ANO10: variants seen among roughly 807,000 people sequenced by gnomAD.
ANO10 encodes the protein anoctamin 10, also known as anoctamin-10.
Under a neutral mutation model 74.7 loss-of-function variants are expected in ANO10, and 77 were observed. That is an observed-to-expected ratio of 1.03 (90% CI 0.86 to 1.25). ANO10 has a LOEUF of 1.25. Among genes scored for constraint, ANO10 ranks in the 50% most tolerant of loss-of-function variants. The probability of loss-of-function intolerance (pLI) is 0.00; values close to 1 mark genes in which losing one functional copy is unlikely to be tolerated. For synonymous variants in ANO10, 279 were observed against 284.9 expected, an observed-to-expected ratio of 0.98 and a Z score of 0.21; for missense variants, 721 against 778.1, an observed-to-expected ratio of 0.93 and a Z score of 0.87.
chr3:43,451,322 A>C (rs1452750383), intron 11 of ANO10, among the ~76,000 whole-genome samples: 2 of 152,182 alleles, frequency 1.3e-5, no homozygotes, highest in African/African-American at 2.4e-5. Context: ...TGCTGTACCC[A>C]CCGACTAGTC....
intron 11 of ANO10, among the ~76,000 whole-genome samples, chr3:43,529,906 A>G (rs1179047316): frequency 1.3e-5 from 2 of 152,164 alleles, no homozygotes; most frequent in Admixed American, 1.3e-4. Context: ...ATAAAATAAT[A>G]TGATAAAGTT....
intron 6 of ANO10, among the ~76,000 whole-genome samples, chr3:43,576,166 T>C (rs1193119790): frequency 1.3e-5 from 2 of 152,174 alleles, no homozygotes; most frequent in Non-Finnish European, 2.9e-5. Flanking sequence ...GACACTCCAT[T>C]TTAGGAAACT....
At chr3:43,678,972 G>A (rs1324812766) in intron 1 of ANO10, among the ~76,000 whole-genome samples, 2 of 152,184 alleles carry the variant, frequency 1.3e-5, no homozygotes, top group Admixed American at 6.5e-5. Context: ...GAGCCAAGAT[G>A]GCTGAATAGG....
intron 10 of ANO10, among the ~76,000 whole-genome samples, chr3:43,554,736 T>C (rs1244349903): frequency 6.6e-6 from 1 of 152,102 alleles, no homozygotes; most frequent in Non-Finnish European, 1.5e-5. Flanking sequence ...CCACTAGACC[T>C]CTACTGATTC....
chr3:43,604,151 A>G (rs144460472), intron 2 of ANO10, among the ~76,000 whole-genome samples: 1 of 152,288 alleles, frequency 6.6e-6, no homozygotes, highest in East Asian at 1.9e-4. Context: ...TTCAATACCT[A>G]TAATGTAGCG....
intron 11 of ANO10, among the ~76,000 whole-genome samples, chr3:43,461,245 T>C (rs143345288): frequency 6.6e-6 from 1 of 152,294 alleles, no homozygotes; most frequent in Non-Finnish European, 1.5e-5. Context: ...TGAACAACTT[T>C]ATACCTGTAA....
At chr3:43,451,542 C>T (rs117657184) in intron 11 of ANO10, among the ~76,000 whole-genome samples, 33 of 151,026 alleles carry the variant, frequency 2.2e-4, no homozygotes, top group East Asian at 1.8e-3. Flanking sequence ...TGACCTGTGA[C>T]AGTAATCAAT....
chr3:43,656,791 T>C (rs2083859801), intron 1 of ANO10, among the ~76,000 whole-genome samples: 1 of 152,224 alleles, frequency 6.6e-6, no homozygotes. Context: ...CAGCCCGGGT[T>C]CCTGCTCGCG....
At chr3:43,372,721 A>G (rs754628409) in intron 12 of ANO10, 5 of 840,642 alleles carry the variant, frequency 5.9e-6, no homozygotes, top group South Asian at 4.5e-5. Flanking sequence ...TAAATGTTCT[A>G]TCCTACCTGG....
intron 1 of ANO10, among the ~76,000 whole-genome samples, chr3:43,660,611 C>G (rs1215368236): frequency 6.6e-6 from 1 of 152,168 alleles, no homozygotes; most frequent in African/African-American, 2.4e-5. Context: ...AAGACCAAAT[C>G]TATGTTTGAT....
chr3:43,486,492 G>T (rs1020541732), intron 11 of ANO10, among the ~76,000 whole-genome samples: 1 of 150,246 alleles, frequency 6.7e-6, no homozygotes, highest in East Asian at 2.0e-4. Context: ...TTGAGCAGTG[G>T]TTTGTAGTTC....
intron 1 of ANO10, among the ~76,000 whole-genome samples, chr3:43,609,644 C>T (rs1326069313): frequency 6.6e-6 from 1 of 152,150 alleles, no homozygotes; most frequent in Non-Finnish European, 1.5e-5. Context: ...GATGGCATAA[C>T]CTATTACATA....
intron 7 of ANO10, among the ~76,000 whole-genome samples, chr3:43,573,261 GGCCTTCGAA>G (rs1468154320): frequency 2.0e-5 from 3 of 152,110 alleles, no homozygotes; most frequent in Non-Finnish European, 4.4e-5. Context: ...GTGTGAAGGA[GGCCTTCGAA>G]GCCTTTTGGA....
intron 11 of ANO10, among the ~76,000 whole-genome samples, chr3:43,437,442 T>C (rs916414467): frequency 1.3e-5 from 2 of 152,184 alleles, no homozygotes; most frequent in Admixed American, 6.5e-5. Context: ...AAAGAGAAAG[T>C]AGAATGTATA....
intron 11 of ANO10, among the ~76,000 whole-genome samples, chr3:43,522,700 G>T (rs189674192): frequency 8.3e-4 from 126 of 152,318 alleles, no homozygotes; most frequent in Non-Finnish European, 1.3e-3. Flanking sequence ...AGGTTATCAG[G>T]TAGTTCACGT....
Position 43,549,775 on chromosome 3 carries a change from T to C in ANO10, c.1742A>G (p.Asn581Ser), listed in dbSNP as rs779383769. 4 of 1,613,924 alleles carry C rather than the reference T, an allele frequency of 2.5e-6. No individual in the cohort carries two copies. The highest frequency in any genetic ancestry group is 2.5e-6 in the Non-Finnish European group (3 of 1,179,936). The change falls in exon 11 of 13, where the codon AAT becomes AGT. Residue 581 changes from asparagine (N) to serine (S), a missense_variant. Transcript: ENST00000292246. ...TGCTTTTGATTCTGGAAAGACTGCA[T>C]TCACTTGTGGTGACATTCCAATCAG... ...CALIGMSPQV[N>S]AVFPESKADL...
At chr3:43,688,786 G>C (rs1188181360) in intron 1 of ANO10, among the ~76,000 whole-genome samples, 1 of 151,456 alleles carries the variant, frequency 6.6e-6, no homozygotes, top group Non-Finnish European at 1.5e-5. Context: ...GCAGGTCATA[G>C]AGAGCCAAGA....
At position 43,445,122 on chromosome 3, in the gene ANO10, C is replaced by CAAA. The variant is rs10689478; in HGVS notation, c.1798-12398_1798-12396dup. On this transcript the variant is annotated intron_variant, in intron 11 of 12. Coordinates refer to ENST00000292246, the MANE Select transcript of ANO10 (RefSeq NM_018075.5). The stretch of plus-strand genomic sequence containing the variant: ...TGGGCTACAGAGTGAGACTTTGCCT[C>CAAA]AAAAAAAAAAAAAAAAAAAAAAGTT... Among the ~76,000 whole-genome samples the CAAA allele has an allele frequency of 1.2e-3, 105 of 91,254 alleles. 1 individual carries two copies. Among genetic ancestry groups the CAAA allele is most frequent in the Admixed American group, 2.2e-3 (17 of 7,576 alleles). 59.9% of individuals were successfully genotyped at this position (91,254 alleles called of 152,430 possible).
At chr3:43,673,738 T>C (rs2084088026) in intron 1 of ANO10, among the ~76,000 whole-genome samples, 1 of 152,112 alleles carries the variant, frequency 6.6e-6, no homozygotes, top group South Asian at 2.1e-4. Context: ...TTAAATGAAA[T>C]AGAAGGCAGA....
Sources: gnomAD v4.1 joint callset for allele counts (sites outside exome capture counted in the v4.1 genomes callset) on GRCh38, gnomAD v4.1.1 for gene constraint, MANE v1.5 for transcripts, NCBI Gene and HGNC (gene_info 2026-07-23, HGNC 2026-07-21) for gene names.